PRH1: variants seen among roughly 807,000 people sequenced by gnomAD.
The protein encoded by PRH1 is salivary acidic proline-rich phosphoprotein 1/2.
A neutral mutation model predicts 7.9 loss-of-function variants in PRH1; 7 were observed. The ratio of observed to expected loss-of-function variants is 0.89; its 90% CI spans 0.50 to 1.67. The LOEUF is 1.67. Ranked by LOEUF, PRH1 falls within the 40% of genes most tolerant of loss-of-function variation. The probability of loss-of-function intolerance (pLI) is 0.00; values close to 1 mark genes in which losing one functional copy is unlikely to be tolerated. For missense variants in PRH1, 109 were observed against 223.6 expected (o/e 0.49, Z 3.27); for synonymous variants, 45 against 80.8 (o/e 0.56, Z 2.38).
chr12:10,894,068 T>A (rs1156283792), intron 2 of PRH1, among the ~76,000 whole-genome samples: 1 of 152,164 alleles, frequency 6.6e-6, no homozygotes. Flanking sequence ...GTGACTTTCA[T>A]CAAATGAGAT....
Position 11,021,902 on chromosome 12 carries a change from G to C in PRH1, c.-126+25118C>G, listed in dbSNP as rs375238408. ...GTCACAGTTTGCAAAGCTTTTATAT[G>C]GACCTTGGTGCTGGGATCTTGAGAT... On this transcript the variant is annotated intron_variant, in intron 1 of 3. Transcript: ENST00000539853. 17 of 1,614,076 alleles carry C rather than the reference G, an allele frequency of 1.1e-5. No homozygotes were observed. In the African/African-American group the frequency reaches 1.9e-4, roughly 18 times the overall value.
At chr12:11,148,419 T>C (rs1168837119) in intron 1 of PRH1, among the ~76,000 whole-genome samples, 1 of 145,478 alleles carries the variant, frequency 6.9e-6, no homozygotes, top group Non-Finnish European at 1.5e-5. Flanking sequence ...ATATTGGCTG[T>C]GGGTCTGTCA....
At chr12:10,951,207 T>C (rs1177839262) in intron 2 of PRH1, among the ~76,000 whole-genome samples, 8 of 152,214 alleles carry the variant, frequency 5.3e-5, no homozygotes, top group Non-Finnish European at 1.2e-4. Flanking sequence ...TTTGCAAGCA[T>C]GCAAATGAAG....
At chr12:11,134,216 G>C (rs781094611) in intron 1 of PRH1, 1 of 1,611,956 alleles carries the variant, frequency 6.2e-7, no homozygotes, top group Non-Finnish European at 8.5e-7. Context: ...TATTAGAATG[G>C]AAAAAATGAT....
In PRH1 at chr12:10,965,157, A is replaced by T. The variant is rs1189984809; in HGVS notation, c.-59+8498T>A. 1.5e-5 allele frequency: 22 copies of T among 1,454,280 alleles called. No homozygotes were observed. In the Middle Eastern group the frequency reaches 9.4e-4, roughly 62 times the overall value. 90.1% of individuals were successfully genotyped at this position (1,454,280 alleles called of 1,614,324 possible). Reference sequence around the variant, plus strand: ...CCTGGATTCAAAACAGTTGCATACCAATGTAATAATATTACCCAGAGCAAA... The same window carrying T: ...CCTGGATTCAAAACAGTTGCATACCTATGTAATAATATTACCCAGAGCAAA... On this transcript the variant is annotated intron_variant, in intron 2 of 3. Transcript: ENST00000539853.
chr12:10,985,817 CA>C, intron 1 of PRH1: 1 of 924,700 alleles, frequency 1.1e-6, no homozygotes, highest in Non-Finnish European at 1.6e-6. Context: ...GGTATGCTTT[CA>C]GAAAATACTC....
chr12:11,120,287 A>G (rs1281064038), downstream of PRH1, among the ~76,000 whole-genome samples: 1 of 152,190 alleles, frequency 6.6e-6, no homozygotes, highest in Non-Finnish European at 1.5e-5. Flanking sequence ...CTTGATGATA[A>G]CTGAAATCAA....
chr12:11,018,011 C>G (rs1172682458), intron 1 of PRH1, among the ~76,000 whole-genome samples: 3 of 152,136 alleles, frequency 2.0e-5, no homozygotes, highest in Non-Finnish European at 2.9e-5. Context: ...GCAAAGACTC[C>G]TGGTTTCAAG....
chr12:11,166,999 T>G (rs1225686594), intron 1 of PRH1, among the ~76,000 whole-genome samples: 1 of 152,244 alleles, frequency 6.6e-6, no homozygotes, highest in Non-Finnish European at 1.5e-5. Context: ...AGGGCTCATA[T>G]GATTAGACTG....
chr12:11,015,758 T>C (rs200535634), intron 1 of PRH1, among the ~76,000 whole-genome samples: 1 of 152,250 alleles, frequency 6.6e-6, no homozygotes, highest in South Asian at 2.1e-4. Context: ...CAGCCTTGAA[T>C]TCCTGGGTTT....
chr12:11,106,510 T>C (rs1181790932), intron 1 of PRH1, among the ~76,000 whole-genome samples: 1 of 151,998 alleles, frequency 6.6e-6, no homozygotes, highest in Admixed American at 6.6e-5. Context: ...ATTTTTTAGT[T>C]AAAATACTCA....
chr12:10,952,440 TG>T (rs1937728548), intron 2 of PRH1, among the ~76,000 whole-genome samples: 1 of 152,172 alleles, frequency 6.6e-6, no homozygotes. Flanking sequence ...TCCAAAAATA[TG>T]CCTGGAAATG....
intron 2 of PRH1, chr12:10,938,799 T>C (rs777758387): frequency 6.2e-7 from 1 of 1,613,344 alleles, no homozygotes; most frequent in Non-Finnish European, 8.5e-7. Context: ...AAGACCGAAG[T>C]CACAAGAAGC....
chr12:10,910,538 A>C lies in PRH1; in HGVS notation c.-58-26263T>G, dbSNP rs116956676. On this transcript the variant is annotated intron_variant, in intron 2 of 3. Coordinates refer to the PRH1 transcript ENST00000539853. ...GTGGTGTCTCTCACTCTCTCAAGAT[A>C]CCTTACTGTACTGTACACACCTATT... Among the ~76,000 whole-genome samples, 368 of 152,266 alleles carry C rather than the reference A, an allele frequency of 2.4e-3. 2 individuals carry two copies. The highest frequency in any genetic ancestry group is 5.7e-3 in the Admixed American group (87 of 15,300).
intron 2 of PRH1, among the ~76,000 whole-genome samples, chr12:10,957,044 C>T (rs1399322902): frequency 1.4e-5 from 2 of 147,052 alleles, no homozygotes; most frequent in Non-Finnish European, 3.0e-5. Flanking sequence ...ATATTCTTCA[C>T]AAAATTAGAA....
intron 2 of PRH1, among the ~76,000 whole-genome samples, chr12:10,962,459 G>T (rs1938283410): frequency 6.6e-6 from 1 of 152,162 alleles, no homozygotes; most frequent in Non-Finnish European, 1.5e-5. Flanking sequence ...TTTTTAGTCT[G>T]ATATAGCTGC....
rs1308679578 is a variant in PRH1 at position 11,084,823 on chromosome 12, C to A, written n.124-37635G>T. On this transcript the variant is annotated intron_variant and non_coding_transcript_variant, in intron 1 of 4. Transcript: ENST00000541977. ...TTCATATTCTTTTTTCTTTTCTTTT[C>A]TTTTTTGGAGACAGAGTCTTGCTCT... 1.7e-4 allele frequency among the ~76,000 whole-genome samples: 13 copies of A among 77,818 alleles called. 4 individuals carry two copies. Among genetic ancestry groups the A allele is most frequent in the African/African-American group, 5.4e-4 (13 of 24,188 alleles). The allele number at this position is 77,818 out of a possible 152,430, so 51.1% of individuals were successfully genotyped here.
At chr12:10,965,144 A>G in intron 2 of PRH1, 1 of 1,437,324 alleles carries the variant, frequency 7.0e-7, no homozygotes. Context: ...TGGATTCAAA[A>G]CAGTTGCATA....
intron 1 of PRH1, among the ~76,000 whole-genome samples, chr12:11,149,441 A>G (rs1946989280): frequency 1.3e-5 from 2 of 152,046 alleles, no homozygotes; most frequent in Non-Finnish European, 2.9e-5. Context: ...ACAGTAACCA[A>G]AACAGCATGG....
Sources: gnomAD v4.1 joint callset for allele counts (sites outside exome capture counted in the v4.1 genomes callset) on GRCh38, gnomAD v4.1.1 for gene constraint, MANE v1.5 for transcripts, NCBI Gene and HGNC (gene_info 2026-07-23, HGNC 2026-07-21) for gene names.